CEP83: variants seen among roughly 807,000 people sequenced by gnomAD.
The protein encoded by CEP83 is centrosomal protein of 83 kDa.
In CEP83, 70 loss-of-function variants were observed where a neutral mutation model predicts 101.9. The observed-to-expected ratio is 0.69, with a 90% CI of 0.57 to 0.84. The LOEUF (loss-of-function observed/expected upper bound fraction) is 0.84, where lower values mean the gene tolerates loss of function less well. Ranked by LOEUF, CEP83 falls within the 40% of genes least tolerant of loss-of-function variation. The pLI is 0.00. For synonymous variants in CEP83, 264 were observed against 267.9 expected (o/e 0.99, Z 0.14); for missense variants, 715 against 787.2 (o/e 0.91, Z 1.10).
At chr12:94,356,003 T>G (rs1471434801) in intron 11 of CEP83, among the ~76,000 whole-genome samples, 1 of 152,196 alleles carries the variant, frequency 6.6e-6, no homozygotes, top group Non-Finnish European at 1.5e-5. Context: ...ACCTCTATAT[T>G]TCTGCGTGTG....
intron 16 of CEP83, among the ~76,000 whole-genome samples, chr12:94,309,579 G>A (rs538419166): frequency 7.9e-5 from 12 of 152,240 alleles, no homozygotes; most frequent in South Asian, 2.1e-4. Flanking sequence ...AGTTCACTGC[G>A]TTAGTAAATT....
At position 94,421,668 on chromosome 12, in the gene CEP83, T is replaced by A. The variant is rs113741114; in HGVS notation, c.-101-9077A>T. 3.8e-3 allele frequency among the ~76,000 whole-genome samples: 580 copies of A among 152,356 alleles called. 3 individuals carry two copies. Among genetic ancestry groups the A allele is most frequent in the African/African-American group, 0.013 (556 of 41,580 alleles). On this transcript the variant is annotated intron_variant, in intron 2 of 16. Coordinates refer to ENST00000397809, the MANE Select transcript of CEP83 (RefSeq NM_016122.3). ...GGATATGCTCTGATAAACTCATTGT[T>A]AAGTAATTTCATTGTTGTGTGAACA... is the stretch of plus-strand genomic sequence containing the variant.
At chr12:94,305,074 G>T, downstream of CEP83, 1 of 658,022 alleles carries the variant, frequency 1.5e-6, no homozygotes, top group Admixed American at 2.8e-5. Context: ...GAAAATGTTG[G>T]CATCTGTTTC....
chr12:94,297,294 G>A, the CEP83 span: 32 of 1,612,216 alleles, frequency 2.0e-5, no homozygotes, highest in African/African-American at 3.1e-4. Flanking sequence ...CTTGGGTAAC[G>A]CTTCTGCTGT....
intron 1 of CEP83, among the ~76,000 whole-genome samples, chr12:94,443,043 C>T (rs1316953064): frequency 1.3e-5 from 2 of 152,168 alleles, no homozygotes; most frequent in Non-Finnish European, 2.9e-5. Flanking sequence ...TCATACATTG[C>T]CTTCGTCACT....
rs2059245329 is a variant in CEP83, at chr12:94,331,978, A to G, written c.1578-149T>C. 2.0e-5 allele frequency: 13 copies of G among 644,808 alleles called. No individual in the cohort carries two copies. In the South Asian group the frequency reaches 2.5e-4, roughly 12 times the overall value. 39.9% of individuals were successfully genotyped at this position (644,808 alleles called of 1,614,324 possible). ...CCCTCCTGTATGGCCACTTGTTTGG[A>G]AATCCCACCATTACTGAGCACTTCC... On this transcript the variant is annotated intron_variant, in intron 13 of 16. Transcript: ENST00000397809.
intron 2 of CEP83, 104 bp from the exon 3 acceptor site, chr12:94,412,695 T>C (rs1191115630): frequency 3.1e-4 from 35 of 112,644 alleles, no homozygotes; most frequent in East Asian, 1.8e-3. Flanking sequence ...TTTTTTTTCT[T>C]TTTTTTTTTT....
Position 94,327,529 on chromosome 12 carries a change from T to C in CEP83, c.1707+4171A>G, listed in dbSNP as rs779823308. 4.6e-5 allele frequency among the ~76,000 whole-genome samples: 7 copies of C among 152,220 alleles called. 1 individual carries two copies. The highest frequency in any genetic ancestry group is 3.9e-4 in the Admixed American group (6 of 15,270). Reference sequence around the variant, plus strand: ...TATTTCTAGTTACCTATATAATATCTTTACTTAAGAGTCTACGTCATGTCT... The same window carrying C: ...TATTTCTAGTTACCTATATAATATCCTTACTTAAGAGTCTACGTCATGTCT... On this transcript the variant is annotated intron_variant, in intron 14 of 16. Transcript: ENST00000397809.
At chr12:94,363,422 T>C (rs981301376) in intron 11 of CEP83, among the ~76,000 whole-genome samples, 6 of 152,184 alleles carry the variant, frequency 3.9e-5, no homozygotes, top group East Asian at 1.9e-4. Flanking sequence ...CTGAAGAAAA[T>C]AGAATGGCAG....
At chr12:94,368,238 A>G in intron 9 of CEP83, 37 bp from the exon 10 acceptor site, 13 of 1,523,774 alleles carry the variant, frequency 8.5e-6, no homozygotes, top group Non-Finnish European at 1.2e-5. Flanking sequence ...ACTATATTCA[A>G]TGTTATTAAG....
intron 11 of CEP83, among the ~76,000 whole-genome samples, chr12:94,353,279 T>G (rs904139493): frequency 6.6e-6 from 1 of 152,078 alleles, no homozygotes; most frequent in Admixed American, 6.5e-5. Context: ...AGAAACAAAG[T>G]CTTTCTCAGA....
intron 3 of CEP83, 131 bp downstream of exon 3, chr12:94,412,187 T>C (rs2063926947): frequency 1.5e-6 from 1 of 657,484 alleles, no homozygotes; most frequent in Middle Eastern, 4.4e-4. Context: ...AATTTTACTA[T>C]ATTAAAAAAG....
At chr12:94,348,455 A>G (rs1384517761) in intron 11 of CEP83, among the ~76,000 whole-genome samples, 1 of 152,102 alleles carries the variant, frequency 6.6e-6, no homozygotes, top group Non-Finnish European at 1.5e-5. Context: ...AATTTAAAAT[A>G]TCGTCATTTT....
At chr12:94,451,504 C>T (rs1427086670) in intron 1 of CEP83, among the ~76,000 whole-genome samples, 3 of 141,196 alleles carry the variant, frequency 2.1e-5, no homozygotes, top group Non-Finnish European at 4.6e-5. Context: ...AAAAAATGGG[C>T]AAATGCCTTA....
chr12:94,375,897 A>G lies in CEP83; in HGVS notation c.922T>C (p.Leu308=). ...LHKAEREINT[L]SSKVKELKHS... is the part of the protein sequence containing the mutation. ...ATAAAACAACTTACTTTACTGGACA[A>G]TGTATTTATTTCTCGTTCAGCTTTA... The change falls in exon 8 of 17, where the codon TTG becomes CTG. Residue 308 remains leucine, a synonymous_variant. Coordinates refer to ENST00000397809, the MANE Select transcript of CEP83 (RefSeq NM_016122.3). 3 of 1,483,258 alleles carry G rather than the reference A, an allele frequency of 2.0e-6. No homozygotes were observed. Among genetic ancestry groups the G allele is most frequent in the Non-Finnish European group, 2.7e-6 (3 of 1,092,606 alleles). 91.9% of individuals were successfully genotyped at this position (1,483,258 alleles called of 1,614,324 possible). A position where few individuals can be genotyped will look rare whatever the true frequency, so the allele number is the denominator to read the frequency against.
intron 1 of CEP83, 130 bp downstream of exon 1, chr12:94,459,427 T>G (rs1225552982): frequency 6.6e-6 from 1 of 152,218 alleles, no homozygotes; most frequent in African/African-American, 2.4e-5. Flanking sequence ...CTCTGCCTAC[T>G]TTTCTAGCAC....
chr12:94,348,311 G>A (rs1382824708), intron 11 of CEP83, among the ~76,000 whole-genome samples: 1 of 152,092 alleles, frequency 6.6e-6, no homozygotes, highest in Non-Finnish European at 1.5e-5. Context: ...AGCAATCATT[G>A]GAGCTGATCC....
Position 94,441,561 on chromosome 12 carries a change from C to G in CEP83, c.-154-6234G>C, listed in dbSNP as rs12581922. Among the ~76,000 whole-genome samples, 833 of 152,280 alleles carry G rather than the reference C, an allele frequency of 5.5e-3. 25 individuals carry two copies. The East Asian group carries it at 0.081, about 15-fold the overall frequency. On this transcript the variant is annotated intron_variant, in intron 1 of 16. Transcript: ENST00000397809. ...GTAGTGAAAAGGGAACACTTTTACACTGCTGGTGGGAAGGTAAACTAGTAC... is the reference window on the plus strand; with the variant it reads ...GTAGTGAAAAGGGAACACTTTTACAGTGCTGGTGGGAAGGTAAACTAGTAC...
chr12:94,306,625 T>C (rs939824173), downstream of CEP83: 6 of 152,140 alleles, frequency 3.9e-5, no homozygotes, highest in African/African-American at 1.4e-4. Context: ...AAATCCCCCA[T>C]CTAGGAAAGA....
Sources: gnomAD v4.1 joint callset for allele counts (sites outside exome capture counted in the v4.1 genomes callset) on GRCh38, gnomAD v4.1.1 for gene constraint, MANE v1.5 for transcripts, NCBI Gene and HGNC (gene_info 2026-07-23, HGNC 2026-07-21) for gene names.